MYO7B: variants seen among roughly 807,000 people sequenced by gnomAD.
MYO7B encodes the protein unconventional myosin-VIIb.
In MYO7B, 212 loss-of-function variants were observed where a neutral mutation model predicts 259.7. The observed-to-expected ratio is 0.82, with a 90% CI of 0.73 to 0.91. The LOEUF is 0.91. Among genes scored for constraint, MYO7B ranks in the 40% least tolerant of loss-of-function variants. The probability of loss-of-function intolerance (pLI) is 0.00; values close to 1 mark genes in which losing one functional copy is unlikely to be tolerated. For synonymous variants in MYO7B, 1,197 were observed against 1,166.4 expected (o/e 1.03, Z -0.54); for missense variants, 2,732 against 2,813.5 (o/e 0.97, Z 0.66).
chr2:127,627,662 G>C lies in MYO7B; in HGVS notation c.4460+352G>C, dbSNP rs747562108. The C allele has an allele frequency of 4.3e-6, 2 of 467,620 alleles. No individual in the cohort carries two copies. The highest frequency in any genetic ancestry group is 3.1e-5 in the South Asian group (2 of 64,654). The allele number at this position is 467,620 out of a possible 1,614,324, so 29.0% of individuals were successfully genotyped here. ...GAGAACTGGTGGCCTGGAGGGTACA[G>C]GTTGTCTGGGAAGGCGACAAGGGAC... On this transcript the variant is annotated intron_variant, in intron 33 of 47. Coordinates refer to ENST00000409816, the MANE Select transcript of MYO7B (RefSeq NM_001393586.1). This position sits in a 1 kb window ranked among gnomAD's most constrained non-coding sequence, Gnocchi z 5.6.
intron 1 of MYO7B, among the ~76,000 whole-genome samples, chr2:127,549,182 TTCTC>T (rs200632902): frequency 0.02 from 2,217 of 108,994 alleles, 63 homozygotes; most frequent in African/African-American, 0.12. Context: ...CTTTCTTTCT[TTCTC>T]TCTTTCTTTC....
At position 127,607,526 on chromosome 2, in the gene MYO7B, G is replaced by T. The variant is rs1255997605; in HGVS notation, c.2643+102G>T. The T allele has an allele frequency of 6.7e-6, 7 of 1,041,568 alleles. No homozygotes were observed. Among genetic ancestry groups the T allele is most frequent in the Non-Finnish European group, 4.1e-6 (3 of 726,864 alleles). The allele number at this position is 1,041,568 out of a possible 1,614,324, so 64.5% of individuals were successfully genotyped here. A position where few individuals can be genotyped will look rare whatever the true frequency, so the allele number is the denominator to read the frequency against. On this transcript the variant is annotated intron_variant, in intron 21 of 47. Transcript: ENST00000409816. The surrounding 1 kb of genome is among the most constrained non-coding windows in gnomAD (Gnocchi z 4.4). ...GCTGTGTAGAGAGCTCACCAGAAGC[G>T]CTTTGGAAAATCCCCCCGCCCCCGC... is the stretch of plus-strand genomic sequence containing the variant.
chr2:127,593,072 C>A, intron 17 of MYO7B, 126 bp downstream of exon 17: 1 of 1,225,378 alleles, frequency 8.2e-7, no homozygotes, highest in East Asian at 2.6e-5. Context: ...TGCGATGAGC[C>A]CTGTCCTTCC....
In MYO7B at chr2:127,617,567, A is replaced by G. The variant is rs13429748; in HGVS notation, c.3399-2773A>G. ...CCAGACTGCGGACTGCAGTGGCGCC[A>G]TCTCGGCTCACTGCAAGCTCCGCTT... On this transcript the variant is annotated intron_variant, in intron 26 of 47. Transcript: ENST00000409816. Among the ~76,000 whole-genome samples the G allele has an allele frequency of 2.1e-3, 268 of 126,106 alleles. 3 individuals carry two copies. Among genetic ancestry groups the G allele is most frequent in the African/African-American group, 8.2e-3 (261 of 31,904 alleles). 82.7% of individuals were successfully genotyped at this position (126,106 alleles called of 152,430 possible).
intron 21 of MYO7B, among the ~76,000 whole-genome samples, chr2:127,608,088 C>T (rs887164888): frequency 2.0e-5 from 3 of 152,150 alleles, no homozygotes; most frequent in Admixed American, 6.5e-5. Context: ...ATCGAGTACT[C>T]GAGACTCAAC....
chr2:127,573,871 C>T, intron 6 of MYO7B, 49 bp from the exon 7 acceptor site: 1 of 1,607,594 alleles, frequency 6.2e-7, no homozygotes, highest in South Asian at 1.1e-5. Context: ...ACTCAAATTA[C>T]ATTTTCTCCT....
At chr2:127,589,304 T>C (rs1234580043) in intron 15 of MYO7B, among the ~76,000 whole-genome samples, 12 of 131,922 alleles carry the variant, frequency 9.1e-5, no homozygotes, top group Admixed American at 7.5e-4. Flanking sequence ...GGTGGATGGA[T>C]AGATGGATGG....
At chr2:127,634,713 G>A (rs1426331751) in intron 42 of MYO7B, 30 bp downstream of exon 42, 1 of 1,587,798 alleles carries the variant, frequency 6.3e-7, no homozygotes, top group Admixed American at 1.7e-5. Flanking sequence ...GCTGGGGGAG[G>A]GCGTGGCTGG....
In MYO7B at chr2:127,605,873, C is replaced by T. The variant is rs987954222; in HGVS notation, c.2369C>T (p.Ala790Val). The stretch of plus-strand genomic sequence containing the variant: ...GAGTTCCTGAGGCAGAGGCGGGCAG[C>T]TGTGACCCTGCAGGCCTGGTGGAGA... ...RKEFLRQRRA[A>V]VTLQAWWRGY... The change falls in exon 20 of 48, where the codon GCT becomes GTT. Residue 790 changes from alanine to valine, a missense_variant. Physicochemically the swap from Ala to Val is moderately conservative, Grantham distance 64. Transcript: ENST00000409816. The T allele has an allele frequency of 6.2e-7, 1 of 1,613,758 alleles. No individual in the cohort carries two copies. The highest frequency in any genetic ancestry group is 8.5e-7 in the Non-Finnish European group (1 of 1,179,852).
At chr2:127,582,244 G>A (rs1679131139) in intron 11 of MYO7B, 60 bp from the exon 12 acceptor site, 3 of 1,590,794 alleles carry the variant, frequency 1.9e-6, no homozygotes, top group South Asian at 2.3e-5. Context: ...AGGTGAACTT[G>A]GAGGTAACCT....
intron 30 of MYO7B, among the ~76,000 whole-genome samples, chr2:127,625,087 G>A (rs905976969): frequency 1.3e-5 from 2 of 152,176 alleles, no homozygotes; most frequent in East Asian, 1.9e-4. Context: ...ATGAGGAAAC[G>A]CCTTGTCACT....
Position 127,566,804 on chromosome 2 carries a change from G to A in MYO7B, c.447G>A (p.Lys149=). ...GCTACTTCAGCATGAAGAGGAACAA[G>A]AGGGACCAGTGCTGCATCATCAGGT... ...NNCYFSMKRN[K]RDQCCIISGE... Residue 149 remains lysine (K), a synonymous_variant, in exon 5 of 48, where the codon AAG becomes AAA. Coordinates refer to ENST00000409816, the MANE Select transcript of MYO7B (RefSeq NM_001393586.1). The A allele has an allele frequency of 6.2e-7, 1 of 1,611,178 alleles. No individual in the cohort carries two copies. The highest frequency in any genetic ancestry group is 1.1e-5 in the South Asian group (1 of 91,078).
chr2:127,553,935 T>C (rs1693545509), intron 1 of MYO7B, among the ~76,000 whole-genome samples: 2 of 152,356 alleles, frequency 1.3e-5, no homozygotes, highest in African/African-American at 4.8e-5. Context: ...ATGTCCCTTG[T>C]ATGCCGATTT....
chr2:127,576,580 C>G lies in MYO7B; in HGVS notation c.736-15C>G. ...GGCTCATGAATCTGTCTGGAATGCC[C>G]TCCCTCCCTCCCAGGCTCCCGAGGA... On this transcript the variant is annotated splice_polypyrimidine_tract_variant and intron_variant, in intron 7 of 47. Transcript: ENST00000409816. This position sits in a 1 kb window ranked among gnomAD's most constrained non-coding sequence, Gnocchi z 4.9. 6.7e-7 allele frequency: 1 copy of G among 1,490,210 alleles called. No homozygotes were observed. The allele number at this position is 1,490,210 out of a possible 1,614,324, so 92.3% of individuals were successfully genotyped here. A position where few individuals can be genotyped will look rare whatever the true frequency, so the allele number is the denominator to read the frequency against.
At chr2:127,571,464 G>A (rs368852540) in intron 6 of MYO7B, among the ~76,000 whole-genome samples, 1 of 41,186 alleles carries the variant, frequency 2.4e-5, no homozygotes, top group Admixed American at 2.9e-4. Flanking sequence ...TTTTTTGCTT[G>A]TTTGTTTTTT....
chr2:127,631,106 C>T lies in MYO7B; in HGVS notation c.4938-100C>T, dbSNP rs564634762. The stretch of plus-strand genomic sequence containing the variant: ...GAGGGGCTTGCGGCAGGGTGGGGTG[C>T]TCTGGCCCTCCCACAGCCACTCAGG... On this transcript the variant is annotated intron_variant, in intron 36 of 47. Coordinates refer to ENST00000409816, the MANE Select transcript of MYO7B (RefSeq NM_001393586.1). The T allele has an allele frequency of 4.0e-5, 58 of 1,442,372 alleles. No homozygotes were observed. The South Asian group carries it at 8.3e-4, about 21-fold the overall frequency. 89.3% of individuals were successfully genotyped at this position (1,442,372 alleles called of 1,614,324 possible).
chr2:127,536,356 G>A (rs778003150), intron 1 of MYO7B, among the ~76,000 whole-genome samples: 38 of 151,656 alleles, frequency 2.5e-4, no homozygotes, highest in Admixed American at 1.2e-3. Flanking sequence ...AGCCGGATTC[G>A]ACTCCAAAGC....
At chr2:127,558,789 G>A (rs1479918890) in intron 1 of MYO7B, among the ~76,000 whole-genome samples, 10 of 152,210 alleles carry the variant, frequency 6.6e-5, no homozygotes, top group African/African-American at 2.2e-4. Flanking sequence ...AGTAACTCGG[G>A]AATGGAAAAC....
In MYO7B at chr2:127,624,286, G is replaced by A. The variant is rs61743523; in HGVS notation, c.4013G>A (p.Arg1338Gln). 1.4e-3 allele frequency: 2,183 copies of A among 1,585,556 alleles called. 33 individuals are homozygous for A. In the African/African-American group the frequency reaches 0.023, roughly 16 times the overall value. Residue 1338 changes from arginine (R) to glutamine (Q), a missense_variant, in exon 30 of 48, where the codon CGA becomes CAA. Transcript: ENST00000409816. The part of the protein sequence containing the change: ...STELIYRQVL[R>Q]GVWSGEYSFE... ...GAGCTTATTTACCGCCAAGTCCTCC[G>A]AGGAGTCTGGTCTGGCGAGTACAGC...
Sources: gnomAD v4.1 joint callset for allele counts (sites outside exome capture counted in the v4.1 genomes callset) on GRCh38, gnomAD v4.1.1 for gene constraint, Gnocchi (gnomAD v3.1) non-coding constraint, MANE v1.5 for transcripts, NCBI Gene and HGNC (gene_info 2026-07-23, HGNC 2026-07-21) for gene names.